Variants in PCDHA2 observed in about 807,000 individuals in gnomAD.
The protein encoded by PCDHA2 is protocadherin alpha 2.
PCDHA2 carries 58 observed loss-of-function variants against 66.0 expected under a neutral mutation model. The observed-to-expected ratio is 0.88, with a 90% CI of 0.71 to 1.09. The LOEUF (loss-of-function observed/expected upper bound fraction) is 1.09, where lower values mean the gene tolerates loss of function less well. Ranked by LOEUF, PCDHA2 falls within the 50% of genes least tolerant of loss-of-function variation. The pLI, the probability that PCDHA2 is intolerant of heterozygous loss-of-function variation, is 0.00. For missense variants in PCDHA2, 1,267 were observed against 1,242.3 expected (o/e 1.02, Z -0.30); for synonymous variants, 634 against 554.0 (o/e 1.14, Z -2.03).
At chr5:141,007,688 C>A (rs1554261446) in intron 3 of PCDHA2, among the ~76,000 whole-genome samples, 1 of 152,170 alleles carries the variant, frequency 6.6e-6, no homozygotes, top group Admixed American at 6.5e-5. Flanking sequence ...ATCCTACTTC[C>A]ACCTCCCTCC....
In PCDHA2 at chr5:140,796,140, C is replaced by A. The variant is rs782363185; in HGVS notation, c.1176C>A (p.His392Gln). 5 of 1,614,114 alleles carry A rather than the reference C, an allele frequency of 3.1e-6. No homozygotes were observed. Among genetic ancestry groups the A allele is most frequent in the African/African-American group, 2.7e-5 (2 of 74,960 alleles). ...ATGTCACCTGCTCCCTGACGCCCCA[C>A]GTCCCTTTCAAGCTGGTGTCCACCT... ...NGHVTCSLTP[H>Q]VPFKLVSTFK... The change falls in exon 1 of 4, where the codon CAC becomes CAA. Residue 392 changes from histidine (H) to glutamine (Q), a missense_variant. By Grantham distance (24) the His-to-Gln change is conservative. Coordinates refer to ENST00000526136, the MANE Select transcript of PCDHA2 (RefSeq NM_018905.3).
chr5:140,968,935 C>T, intron 1 of PCDHA2: 1 of 1,614,172 alleles, frequency 6.2e-7, no homozygotes, highest in Non-Finnish European at 8.5e-7. Context: ...TTTTGACAAT[C>T]ATCATTTTGA....
chr5:140,956,060 G>A (rs1021406649), intron 1 of PCDHA2, among the ~76,000 whole-genome samples: 12 of 152,074 alleles, frequency 7.9e-5, no homozygotes, highest in African/African-American at 2.9e-4. Context: ...GAGACAATGG[G>A]GTTTTCCAGA....
chr5:140,949,260 T>A (rs1292112980), intron 1 of PCDHA2, among the ~76,000 whole-genome samples: 1 of 151,804 alleles, frequency 6.6e-6, no homozygotes, highest in African/African-American at 2.4e-5. Flanking sequence ...GATGAACATA[T>A]CACGTGCACT....
chr5:140,836,021 C>T lies in PCDHA2; in HGVS notation c.2388+38669C>T, dbSNP rs2150250890. On this transcript the variant is annotated intron_variant, in intron 1 of 3. Transcript: ENST00000526136. ...GCGATGCGGGCGTGCCGCCTCTGGG[C>T]AGCAACGTGACGCTGCAGGTGTTCG... is the stretch of plus-strand genomic sequence containing the variant. The T allele has an allele frequency of 3.1e-6, 5 of 1,613,270 alleles. No homozygotes were observed. In the East Asian group the frequency reaches 8.9e-5, roughly 29 times the overall value.
At chr5:140,862,348 C>T (rs1404239338) in intron 1 of PCDHA2, 1 of 336,670 alleles carries the variant, frequency 3.0e-6, no homozygotes, top group Non-Finnish European at 5.9e-6. Context: ...ACTTCAGTGC[C>T]AAGGGACAGA....
At chr5:140,811,011 A>C (rs570654154) in intron 1 of PCDHA2, 9 of 152,134 alleles carry the variant, frequency 5.9e-5, no homozygotes, top group African/African-American at 1.2e-4. Context: ...ATTTCTTCTT[A>C]TTATTTTTAT....
chr5:140,825,816 T>C (rs1372654901), intron 1 of PCDHA2: 1 of 152,478 alleles, frequency 6.6e-6, no homozygotes, highest in African/African-American at 2.4e-5. Flanking sequence ...TTGTTGTTAC[T>C]TTTAGATTAA....
Position 140,858,208 on chromosome 5 carries a change from G to A in PCDHA2, c.2388+60856G>A. 3 of 1,595,856 alleles carry A rather than the reference G, an allele frequency of 1.9e-6. 1 individual carries two copies. The highest frequency in any genetic ancestry group is 2.6e-6 in the Non-Finnish European group (3 of 1,166,438). ...CGCTGCTGCTGTACACTGCACTGAG[G>A]TGCTCGGCGGCGCCCACCGAGGGCG... On this transcript the variant is annotated intron_variant, in intron 1 of 3. Coordinates refer to ENST00000526136, the MANE Select transcript of PCDHA2 (RefSeq NM_018905.3).
intron 1 of PCDHA2, among the ~76,000 whole-genome samples, chr5:140,840,200 G>T (rs1412931294): frequency 6.6e-6 from 1 of 151,990 alleles, no homozygotes; most frequent in South Asian, 2.1e-4. Flanking sequence ...CAAAGGAAAA[G>T]AAGTCATAAA....
intron 1 of PCDHA2, chr5:140,967,749 C>A (rs1554229896): frequency 1.2e-6 from 2 of 1,614,172 alleles, no homozygotes; most frequent in Non-Finnish European, 1.7e-6. Context: ...TATGAGGAAG[C>A]CTCCTCCTAC....
intron 1 of PCDHA2, chr5:140,807,452 C>T (rs1562209141): frequency 1.2e-6 from 2 of 1,607,214 alleles, no homozygotes; most frequent in South Asian, 1.1e-5. Flanking sequence ...TGTGAATTCT[C>T]GGATCGACCG....
chr5:140,824,610 G>GTTTTTTTTT (rs2150135229), intron 1 of PCDHA2: 2,160 of 95,054 alleles, frequency 0.023, 363 homozygotes, highest in African/African-American at 0.035. Context: ...GCTAATTAAA[G>GTTTTTTTTT]TTTTTTTTTT....
chr5:140,826,679 A>T (rs184040135), intron 1 of PCDHA2, among the ~76,000 whole-genome samples: 11 of 152,308 alleles, frequency 7.2e-5, no homozygotes, highest in East Asian at 5.8e-4. Flanking sequence ...GACGTAATTA[A>T]AAAAACCCAG....
chr5:140,869,200 T>C, intron 1 of PCDHA2: 1 of 1,614,000 alleles, frequency 6.2e-7, no homozygotes, highest in East Asian at 2.2e-5. Flanking sequence ...CCAGCTCCAC[T>C]ACTCCGTCTC....
rs544401230 is a variant in PCDHA2 at position 140,855,171 on chromosome 5, C to A, written c.2388+57819C>A. On this transcript the variant is annotated intron_variant, in intron 1 of 3. Coordinates refer to ENST00000526136, the MANE Select transcript of PCDHA2 (RefSeq NM_018905.3). ...AATTTGGTATTGAGCCTCATGAAAA[C>A]AAATGTGGCCAAATTGAGGCCTGAG... Among the ~76,000 whole-genome samples the A allele has an allele frequency of 6.9e-4, 104 of 149,830 alleles. 7 individuals are homozygous for A. Among genetic ancestry groups the A allele is most frequent in the African/African-American group, 2.4e-3 (100 of 41,004 alleles).
intron 1 of PCDHA2, chr5:140,836,498 C>A: frequency 1.2e-6 from 2 of 1,613,896 alleles, no homozygotes; most frequent in Non-Finnish European, 1.7e-6. Context: ...TCGCCATCTG[C>A]GCGGTGTCCA....
intron 1 of PCDHA2, 152 bp downstream of exon 1, chr5:140,797,504 G>A (rs1762237747): frequency 4.5e-6 from 4 of 894,228 alleles, no homozygotes; most frequent in African/African-American, 1.7e-5. Context: ...TCAATTTATT[G>A]CATTTACTGA....
intron 1 of PCDHA2, chr5:140,806,941 A>G (rs564481809): frequency 1.7e-4 from 98 of 566,622 alleles, no homozygotes; most frequent in African/African-American, 9.5e-4. Context: ...AGTTTACAGT[A>G]GAGTGTGTGG....
Sources: allele counts gnomAD v4.1 joint callset (sites outside exome capture counted in the v4.1 genomes callset), GRCh38; gene constraint gnomAD v4.1.1; transcripts MANE v1.5; gene names NCBI Gene and HGNC (gene_info 2026-07-23, HGNC 2026-07-21).